The following DPH6 variants were observed in gnomAD, a reference collection of about 807,000 sequenced individuals.
The protein encoded by DPH6 is diphthamine biosynthesis 6, also known as diphthine--ammonia ligase.
In DPH6, 33 loss-of-function variants were observed where a neutral mutation model predicts 38.2. The observed-to-expected ratio is 0.86, with a 90% CI of 0.65 to 1.15. The LOEUF is 1.15. Among genes scored for constraint, DPH6 ranks in the 50% most tolerant of loss-of-function variants. The probability of loss-of-function intolerance (pLI) is 0.00; values close to 1 mark genes in which losing one functional copy is unlikely to be tolerated. For missense variants in DPH6, 325 were observed against 320.0 expected, an observed-to-expected ratio of 1.02 and a Z score of -0.12; for synonymous variants, 108 against 103.0, an observed-to-expected ratio of 1.05 and a Z score of -0.30.
the DPH6 span, among the ~76,000 whole-genome samples, chr15:35,175,884 G>A: frequency 6.6e-6 from 1 of 152,262 alleles, no homozygotes. Flanking sequence ...AGGCCATTTC[G>A]TTGGCCCAGG....
At chr15:35,145,842 C>A in the DPH6 span, among the ~76,000 whole-genome samples, 1 of 152,184 alleles carries the variant, frequency 6.6e-6, no homozygotes, top group Non-Finnish European at 1.5e-5. Flanking sequence ...CTCCATCTAT[C>A]TATCTACATT....
intron 6 of DPH6, among the ~76,000 whole-genome samples, chr15:35,404,787 G>A (rs2053269242): frequency 6.6e-6 from 1 of 152,016 alleles, no homozygotes; most frequent in South Asian, 2.1e-4. Context: ...TATTACTCAA[G>A]AAGTCTTTGC....
chr15:35,480,135 A>G (rs8024134), intron 3 of DPH6, among the ~76,000 whole-genome samples: 136,250 of 151,988 alleles, frequency 0.9, 61,219 homozygotes, highest in East Asian at 1. Flanking sequence ...CAAAATAAAA[A>G]TTTATATTGA....
intron 3 of DPH6, among the ~76,000 whole-genome samples, chr15:35,221,447 G>A (rs188545869): frequency 2.0e-5 from 3 of 152,298 alleles, no homozygotes; most frequent in Non-Finnish European, 2.9e-5. Flanking sequence ...CTCAGCCTGG[G>A]TCTCAAGGGT....
intron 3 of DPH6, among the ~76,000 whole-genome samples, chr15:35,355,964 T>C (rs900203559): frequency 6.6e-6 from 1 of 152,242 alleles, no homozygotes; most frequent in African/African-American, 2.4e-5. Context: ...CCCATATTTC[T>C]TGGAGGCTTT....
chr15:35,204,600 G>T, the DPH6 span, among the ~76,000 whole-genome samples: 1 of 151,694 alleles, frequency 6.6e-6, no homozygotes, highest in Non-Finnish European at 1.5e-5. Context: ...GACAAGATGG[G>T]TTATGCCCAA....
chr15:35,450,275 T>C lies in DPH6; in HGVS notation c.505+410A>G, dbSNP rs114163323. On this transcript the variant is annotated intron_variant, in intron 5 of 8. Transcript: ENST00000256538. ...GCATTATTCAAAATATGCTAAAAAA[T>C]ACAAGGAAAATGTTTTGTGTCAAAT... 5.7e-3 allele frequency among the ~76,000 whole-genome samples: 861 copies of C among 152,094 alleles called. 11 individuals carry two copies. Among genetic ancestry groups the C allele is most frequent in the African/African-American group, 0.02 (817 of 41,514 alleles).
chr15:35,440,227 G>A (rs554764201), intron 5 of DPH6, among the ~76,000 whole-genome samples: 37 of 152,124 alleles, frequency 2.4e-4, no homozygotes, highest in Non-Finnish European at 5.0e-4. Flanking sequence ...CCATAACCTG[G>A]AGGTTTCCTT....
intron 3 of DPH6, among the ~76,000 whole-genome samples, chr15:35,296,533 T>A (rs1333901547): frequency 6.6e-6 from 1 of 152,194 alleles, no homozygotes; most frequent in Non-Finnish European, 1.5e-5. Flanking sequence ...ACATAATTCC[T>A]TTGCTCCTTG....
At chr15:35,395,158 A>T (rs896553698) in intron 6 of DPH6, among the ~76,000 whole-genome samples, 1 of 151,982 alleles carries the variant, frequency 6.6e-6, no homozygotes, top group African/African-American at 2.4e-5. Flanking sequence ...TTAATCTTCA[A>T]TTTTTTCTTT....
At chr15:35,276,207 ATGTT>A (rs1474743456) in intron 3 of DPH6, among the ~76,000 whole-genome samples, 7 of 152,030 alleles carry the variant, frequency 4.6e-5, no homozygotes, top group African/African-American at 1.4e-4. Context: ...ATTTTTTCGT[ATGTT>A]TGTTGGCCAT....
chr15:35,251,283 A>G (rs886714480), intron 3 of DPH6, among the ~76,000 whole-genome samples: 12 of 152,160 alleles, frequency 7.9e-5, no homozygotes, highest in African/African-American at 2.9e-4. Context: ...CCCCTCCTGC[A>G]ACTAACTGGC....
At chr15:35,520,556 A>G in intron 3 of DPH6, 1 of 984,808 alleles carries the variant, frequency 1.0e-6, no homozygotes, top group South Asian at 4.7e-5. Context: ...TATATACAAT[A>G]AGACTAGCAT....
At chr15:35,470,950 C>T (rs1275941044) in intron 3 of DPH6, among the ~76,000 whole-genome samples, 1 of 151,874 alleles carries the variant, frequency 6.6e-6, no homozygotes, top group East Asian at 1.9e-4. Context: ...GAATACATAA[C>T]TTAAAGTGAA....
chr15:35,382,467 A>G (rs2052883843), intron 6 of DPH6, among the ~76,000 whole-genome samples: 1 of 152,038 alleles, frequency 6.6e-6, no homozygotes, highest in Non-Finnish European at 1.5e-5. Flanking sequence ...ACACACACAC[A>G]CACACAAAAT....
chr15:35,510,217 A>C (rs1444940705), intron 3 of DPH6, among the ~76,000 whole-genome samples: 1 of 152,116 alleles, frequency 6.6e-6, no homozygotes, highest in Non-Finnish European at 1.5e-5. Flanking sequence ...TGACTCTAAA[A>C]ACAAAAACAA....
chr15:35,473,318 T>C (rs888423195), intron 3 of DPH6, among the ~76,000 whole-genome samples: 11 of 152,174 alleles, frequency 7.2e-5, no homozygotes, highest in African/African-American at 2.7e-4. Context: ...TTTGCATTCA[T>C]TTACCAAATA....
intron 6 of DPH6, among the ~76,000 whole-genome samples, chr15:35,384,946 A>C (rs2052928946): frequency 6.6e-6 from 1 of 152,342 alleles, no homozygotes; most frequent in East Asian, 1.9e-4. Flanking sequence ...CCCCATCAAA[A>C]AGTAGGTGAA....
chr15:35,236,452 C>A (rs2051551582), intron 3 of DPH6, among the ~76,000 whole-genome samples: 1 of 152,024 alleles, frequency 6.6e-6, no homozygotes, highest in Admixed American at 6.5e-5. Flanking sequence ...TCCGGGCTAA[C>A]ACGGTGAAAC....
Sources: allele counts gnomAD v4.1 joint callset (sites outside exome capture counted in the v4.1 genomes callset), GRCh38; gene constraint gnomAD v4.1.1; transcripts MANE v1.5; gene names NCBI Gene and HGNC (gene_info 2026-07-23, HGNC 2026-07-21).